FAN1: variants seen among roughly 807,000 people sequenced by gnomAD.
FAN1 encodes fanconi-associated nuclease 1.
Under a neutral mutation model 104.9 loss-of-function variants are expected in FAN1, and 91 were observed. The ratio of observed to expected loss-of-function variants is 0.87; its 90% CI spans 0.73 to 1.03. The LOEUF (loss-of-function observed/expected upper bound fraction) is 1.03. FAN1 is among the 50% of genes least tolerant of loss of function. The pLI, the probability that FAN1 is intolerant of heterozygous loss-of-function variation, is 0.00. For missense variants in FAN1, 1,263 were observed against 1,239.9 expected (o/e 1.02, Z -0.28); for synonymous variants, 478 against 457.6 (o/e 1.04, Z -0.57).
chr15:30,914,661 C>T (rs1036423644), intron 5 of FAN1, among the ~76,000 whole-genome samples: 1 of 152,140 alleles, frequency 6.6e-6, no homozygotes, highest in African/African-American at 2.4e-5. Context: ...CCACCGCCCT[C>T]GGCCTGTATT....
rs1278295282 is a variant in FAN1 at position 30,942,978 on chromosome 15, T to G, written c.*1416T>G. On this transcript the variant is annotated 3_prime_UTR_variant, in exon 15 of 15. Coordinates refer to ENST00000362065, the MANE Select transcript of FAN1 (RefSeq NM_014967.5). ...GAAGGGGTTATGGAAAAGGGTGCGATCCTTTGCTGTAAACTGGAGAGACCA... is the reference window on the plus strand; with the variant it reads ...GAAGGGGTTATGGAAAAGGGTGCGAGCCTTTGCTGTAAACTGGAGAGACCA... The G allele has an allele frequency of 1.9e-6, 3 of 1,555,140 alleles. No individual in the cohort carries two copies. In the Admixed American group the frequency reaches 5.8e-5, roughly 30 times the overall value.
In FAN1 at chr15:30,942,152, A is replaced by C; in HGVS notation, c.*590A>C. 1.4e-6 allele frequency: 2 copies of C among 1,439,152 alleles called. No homozygotes were observed. Among genetic ancestry groups the C allele is most frequent in the Non-Finnish European group, 1.9e-6 (2 of 1,068,054 alleles). The allele number at this position is 1,439,152 out of a possible 1,614,324, so 89.1% of individuals were successfully genotyped here. Reference sequence around the variant, plus strand: ...AGGATGCAATGGCAAATATAAACTCAATACTATGAAAAATTAATGGAATTT... The same window carrying C: ...AGGATGCAATGGCAAATATAAACTCCATACTATGAAAAATTAATGGAATTT... On this transcript the variant is annotated 3_prime_UTR_variant, in exon 15 of 15. Coordinates refer to ENST00000362065, the MANE Select transcript of FAN1 (RefSeq NM_014967.5).
rs755514856 is a variant in FAN1, at chr15:30,904,524, G to A, written c.-140G>A. 1 of 823,638 alleles carries A rather than the reference G, an allele frequency of 1.2e-6. No individual in the cohort carries two copies. The highest frequency in any genetic ancestry group is 1.4e-5 in the South Asian group (1 of 71,658). The allele number at this position is 823,638 out of a possible 1,614,324, so 51.0% of individuals were successfully genotyped here. A position where few individuals can be genotyped will look rare whatever the true frequency, so the allele number is the denominator to read the frequency against. ...TTTCTTCTTGTAGGAAGAAGAAATT[G>A]TCGAGACGAATAACATGAGGTCATA... On this transcript the variant is annotated 5_prime_UTR_variant, in exon 2 of 15. Coordinates refer to ENST00000362065, the MANE Select transcript of FAN1 (RefSeq NM_014967.5).
At chr15:30,940,264 C>A in intron 14 of FAN1, 1 of 974,510 alleles carries the variant, frequency 1.0e-6, no homozygotes, top group Non-Finnish European at 1.2e-6. Flanking sequence ...TCTTGTCACA[C>A]AGTTTGGAAA....
Position 30,910,821 on chromosome 15 carries a change from G to T in FAN1, c.1577+6G>T. 6.2e-7 allele frequency: 1 copy of T among 1,612,352 alleles called. No homozygotes were observed. Among genetic ancestry groups the T allele is most frequent in the Non-Finnish European group, 8.5e-7 (1 of 1,179,004 alleles). On this transcript the variant is annotated splice_donor_region_variant and intron_variant, in intron 4 of 14. Transcript: ENST00000362065. ...GGTGCAGTGATTTTAAAAAGGTTTT[G>T]TTGGCTATTGTTACAGTAAAAACAT...
intron 14 of FAN1, among the ~76,000 whole-genome samples, chr15:30,938,040 T>C (rs2062913645): frequency 6.6e-6 from 1 of 151,606 alleles, no homozygotes; most frequent in African/African-American, 2.4e-5. Context: ...AAAAATTGGG[T>C]GGGCTTGGTG....
rs181235003 is a variant in FAN1, at chr15:30,912,017, G to A, written c.1577+1202G>A. Among the ~76,000 whole-genome samples, 22 of 149,724 alleles carry A rather than the reference G, an allele frequency of 1.5e-4. No individual in the cohort carries two copies. The East Asian group carries it at 3.9e-3, about 27-fold the overall frequency. ...GTAGAGGTTGCAGTGAGCTGAGATC[G>A]CGCCACTGCACACCAGCCTGGGTGA... On this transcript the variant is annotated intron_variant, in intron 4 of 14. Coordinates refer to ENST00000362065, the MANE Select transcript of FAN1 (RefSeq NM_014967.5).
In FAN1 at chr15:30,928,537, T is replaced by TGTGTGA. The variant is rs1212471364; in HGVS notation, c.2489-13_2489-12insTGAGTG. 1 of 1,612,688 alleles carries TGTGTGA rather than the reference T, an allele frequency of 6.2e-7. No individual in the cohort carries two copies. The highest frequency in any genetic ancestry group is 8.5e-7 in the Non-Finnish European group (1 of 1,179,296). ...GTGTGTGTGTGTGTGTGTGTGTGTG[T>TGTGTGA]GTGACCTTGTCTTAGGGATTCATGG... On this transcript the variant is annotated splice_polypyrimidine_tract_variant and intron_variant, in intron 10 of 14. Transcript: ENST00000362065.
intron 10 of FAN1, chr15:30,928,063 C>T: frequency 7.0e-6 from 7 of 998,318 alleles, no homozygotes; most frequent in Non-Finnish European, 7.2e-6. Flanking sequence ...CAGAGCAGCA[C>T]CTGCTGAGGC....
chr15:30,940,142 A>G lies in FAN1; in HGVS notation c.*4-1424A>G, dbSNP rs567385668. The G allele has an allele frequency of 3.7e-5, 36 of 985,466 alleles. No homozygotes were observed. In the African/African-American group the frequency reaches 4.7e-4, roughly 13 times the overall value. The allele number at this position is 985,466 out of a possible 1,614,324, so 61.0% of individuals were successfully genotyped here. ...TAGGATGGCAGTTTAAGAAACAGTCAAATTTGAAAGTATCCATGTTTTAAG... is the reference window on the plus strand; with the variant it reads ...TAGGATGGCAGTTTAAGAAACAGTCGAATTTGAAAGTATCCATGTTTTAAG... On this transcript the variant is annotated intron_variant, in intron 14 of 14. Transcript: ENST00000362065.
intron 14 of FAN1, chr15:30,939,007 A>G: frequency 1.0e-6 from 1 of 985,350 alleles, no homozygotes; most frequent in Non-Finnish European, 1.2e-6. Flanking sequence ...TTGAACAACA[A>G]GATAACACAT....
chr15:30,939,311 G>A, intron 14 of FAN1: 1 of 985,456 alleles, frequency 1.0e-6, no homozygotes, highest in Non-Finnish European at 1.2e-6. Context: ...CATCTGTGCG[G>A]CATTCCCTCA....
intron 6 of FAN1, among the ~76,000 whole-genome samples, chr15:30,918,541 C>T (rs570849442): frequency 2.1e-4 from 32 of 152,322 alleles, no homozygotes; most frequent in South Asian, 4.1e-4. Flanking sequence ...CAACCCCATA[C>T]TTGACTTGTC....
At chr15:30,931,783 C>G (rs1348295328) in intron 13 of FAN1, among the ~76,000 whole-genome samples, 4 of 152,074 alleles carry the variant, frequency 2.6e-5, no homozygotes, top group African/African-American at 4.8e-5. Flanking sequence ...ATCTGTTTGT[C>G]TGTATTTCTT....
At chr15:30,927,436 C>T (rs1415833828) in intron 10 of FAN1, 17 of 985,570 alleles carry the variant, frequency 1.7e-5, no homozygotes, top group Non-Finnish European at 2.0e-5. Context: ...AGACGGGCTG[C>T]AGGGATGAGG....
rs182455628 is a variant in FAN1 at position 30,908,235 on chromosome 15, C to A, written c.1352C>A (p.Thr451Lys). The A allele has an allele frequency of 2.5e-6, 4 of 1,605,236 alleles. No individual in the cohort carries two copies. In the Admixed American group the frequency reaches 5.1e-5, roughly 21 times the overall value. Reference sequence around the variant, plus strand: ...TTAACACCTGTGATTGAAGAATTGACGAATGCAGGCTTTCTACAGACAGGT... The same window carrying A: ...TTAACACCTGTGATTGAAGAATTGAAGAATGCAGGCTTTCTACAGACAGGT... ...LDLTPVIEELTNAGFLQTESE... is the reference protein window; with the variant it reads ...LDLTPVIEELKNAGFLQTESE... Residue 451 changes from threonine (T) to lysine (K), a missense_variant, in exon 3 of 15, where the codon ACG becomes AAG. By Grantham distance (78) the Thr-to-Lys change is moderately conservative (BLOSUM62 -1). Transcript: ENST00000362065.
chr15:30,906,401 T>G (rs1433086196), intron 2 of FAN1: 1 of 456,690 alleles, frequency 2.2e-6, no homozygotes, highest in Admixed American at 2.3e-5. Context: ...AAAGACAGGG[T>G]GTGGAGGAAA....
chr15:30,908,130 A>G lies in FAN1; in HGVS notation c.1247A>G (p.Lys416Arg). Reference protein sequence around the residue: ...KFYQLSATGQKLYVRLFQRKL... With the variant: ...KFYQLSATGQRLYVRLFQRKL... ...AACTTTATTGCAGCTACTGGTCAGAAGTTATATGTAAGGCTCTTTCAACGT... is the reference window on the plus strand; with the variant it reads ...AACTTTATTGCAGCTACTGGTCAGAGGTTATATGTAAGGCTCTTTCAACGT... Residue 416 changes from lysine (K) to arginine (R), a missense_variant, in exon 3 of 15, where the codon AAG becomes AGG. Transcript: ENST00000362065. 1.9e-6 allele frequency: 3 copies of G among 1,606,008 alleles called. No homozygotes were observed. The highest frequency in any genetic ancestry group is 2.5e-6 in the Non-Finnish European group (3 of 1,177,520).
intron 6 of FAN1, among the ~76,000 whole-genome samples, chr15:30,918,747 T>C (rs892371892): frequency 2.6e-5 from 4 of 152,238 alleles, no homozygotes; most frequent in Non-Finnish European, 5.9e-5. Flanking sequence ...ATCTTTTATT[T>C]TGTTGAAAAT....
Sources: gnomAD v4.1 joint callset for allele counts (sites outside exome capture counted in the v4.1 genomes callset) on GRCh38, gnomAD v4.1.1 for gene constraint, MANE v1.5 for transcripts, NCBI Gene and HGNC (gene_info 2026-07-23, HGNC 2026-07-21) for gene names.